Variants in SLC12A1 observed in about 807,000 individuals in gnomAD.
SLC12A1 encodes the protein Na-K-2Cl cotransporter.
SLC12A1 carries 89 observed loss-of-function variants against 130.4 expected under a neutral mutation model. That is an observed-to-expected ratio of 0.68 (90% CI 0.58 to 0.81). The LOEUF is 0.81. Ranked by LOEUF, SLC12A1 falls within the 40% of genes least tolerant of loss-of-function variation. SLC12A1 has a pLI of 0.00. For missense variants in SLC12A1, 1,310 were observed against 1,336.4 expected (o/e 0.98, Z 0.31); for synonymous variants, 499 against 460.0 (o/e 1.08, Z -1.09).
chr15:48,302,581 C>CT (rs2141135055), intron 26 of SLC12A1, among the ~76,000 whole-genome samples, 169 bp from the exon 27 acceptor site: 1 of 127,988 alleles, frequency 7.8e-6, no homozygotes, highest in Admixed American at 9.6e-5. Flanking sequence ...GATTGTGCCA[C>CT]TGCAGTCCGC....
intron 21 of SLC12A1, among the ~76,000 whole-genome samples, chr15:48,285,928 A>T (rs569671691): frequency 2.6e-5 from 4 of 152,244 alleles, no homozygotes; most frequent in Admixed American, 2.0e-4. Flanking sequence ...GTCCACAGTG[A>T]CCTCTGCTGG....
intron 15 of SLC12A1, among the ~76,000 whole-genome samples, chr15:48,254,643 C>T (rs1170781758): frequency 1.5e-5 from 2 of 129,550 alleles, no homozygotes; most frequent in East Asian, 4.2e-4. Context: ...CAAAAAAGAC[C>T]GGGCACGGTG....
chr15:48,260,224 C>G (rs958004915), intron 17 of SLC12A1, among the ~76,000 whole-genome samples: 1 of 151,618 alleles, frequency 6.6e-6, no homozygotes, highest in African/African-American at 2.4e-5. Context: ...AAGATCACAC[C>G]ACTGCATTCC....
rs550686114 is a variant in SLC12A1 at position 48,254,592 on chromosome 15, T to TAAAAAAAAAAAAAAAAAAAAAAA, written c.1943-1203_1943-1181dup. Among the ~76,000 whole-genome samples, 6 of 52,890 alleles carry TAAAAAAAAAAAAAAAAAAAAAAA rather than the reference T, an allele frequency of 1.1e-4. 1 individual carries two copies. The highest frequency in any genetic ancestry group is 2.1e-4 in the Non-Finnish European group (5 of 23,404). The allele number at this position is 52,890 out of a possible 152,430, so 34.7% of individuals were successfully genotyped here. On this transcript the variant is annotated intron_variant, in intron 15 of 26. Transcript: ENST00000380993. ...AAGATCCATTTAATACTTAAATTCG[T>TAAAAAAAAAAAAAAAAAAAAAAA]AAAAAAAAAAAAAAAAAAAAAAAAA...
Position 48,291,515 on chromosome 15 carries a change from C to T in SLC12A1, c.2874-263C>T, listed in dbSNP as rs111324383. 4.9e-3 allele frequency among the ~76,000 whole-genome samples: 743 copies of T among 152,222 alleles called. 8 individuals are homozygous for T. The highest frequency in any genetic ancestry group is 0.044 in the Middle Eastern group (13 of 294). On this transcript the variant is annotated intron_variant, in intron 23 of 26. Transcript: ENST00000380993. ...CAGATTTGCATTCTGTTCCCTGTGA[C>T]ATAAATGCAGAGTTGGATTGGCTGT...
At chr15:48,301,520 G>T (rs903828315) in intron 26 of SLC12A1, 138 bp downstream of exon 26, 3 of 566,160 alleles carry the variant, frequency 5.3e-6, no homozygotes, top group African/African-American at 4.1e-5. Context: ...GGAACACGTG[G>T]GATTCTTAGA....
chr15:48,228,993 C>T (rs1413712183), intron 5 of SLC12A1, 196 bp from the exon 6 acceptor site: 3 of 485,398 alleles, frequency 6.2e-6, no homozygotes, highest in African/African-American at 5.9e-5. Flanking sequence ...CAGGATACTT[C>T]TATTGTAGAT....
Position 48,255,903 on chromosome 15 carries a change from A to G in SLC12A1, c.2035A>G (p.Asn679Asp). The change falls in exon 16 of 27, where the codon AAC becomes GAC. Residue 679 changes from asparagine to aspartate, a missense_variant. By Grantham distance (23) the Asn-to-Asp change is conservative. Coordinates refer to ENST00000380993, the MANE Select transcript of SLC12A1 (RefSeq NM_000338.3). ...AACCACAGTGGAAGACCACGTAAAA[A>G]ACTTCAGGTAAAGCTGGTGTCTCAG... ...ELTTVEDHVK[N>D]FRPQCIVLTG... The G allele has an allele frequency of 1.3e-6, 2 of 1,586,630 alleles. No homozygotes were observed. Among genetic ancestry groups the G allele is most frequent in the South Asian group, 1.2e-5 (1 of 86,852 alleles).
At chr15:48,236,904 G>T in intron 9 of SLC12A1, 1 of 585,152 alleles carries the variant, frequency 1.7e-6, no homozygotes, top group South Asian at 2.1e-5. Flanking sequence ...TCTTTCTTTA[G>T]ACTCCTTAAA....
intron 19 of SLC12A1, among the ~76,000 whole-genome samples, chr15:48,273,670 T>C (rs1164540459): frequency 6.6e-6 from 1 of 152,218 alleles, no homozygotes; most frequent in East Asian, 1.9e-4. Context: ...AGATTACTTA[T>C]GGTTTGGATT....
At position 48,243,864 on chromosome 15, in the gene SLC12A1, A is replaced by G. The variant is rs570411702; in HGVS notation, c.1301-889A>G. Among the ~76,000 whole-genome samples, 4 of 152,332 alleles carry G rather than the reference A, an allele frequency of 2.6e-5. No individual in the cohort carries two copies. In the East Asian group the frequency reaches 5.8e-4, roughly 22 times the overall value. On this transcript the variant is annotated intron_variant, in intron 10 of 26. Coordinates refer to ENST00000380993, the MANE Select transcript of SLC12A1 (RefSeq NM_000338.3). ...TTTTATTGGTTGGTATTTAGTTTGT[A>G]AAGTATTTATCCTTCATGTAGTTCA...
rs544563599 is a variant in SLC12A1, at chr15:48,280,282, C to T, written c.2486-4824C>T. 2.6e-5 allele frequency among the ~76,000 whole-genome samples: 4 copies of T among 152,072 alleles called. No homozygotes were observed. The East Asian group carries it at 5.8e-4, about 22-fold the overall frequency. The stretch of plus-strand genomic sequence containing the variant: ...TACCATATAATCGATTTATAAAGCA[C>T]TTGAAAATACAGTAACTACTATTCA... On this transcript the variant is annotated intron_variant, in intron 20 of 26. Transcript: ENST00000380993.
chr15:48,302,335 T>G (rs1429128657), intron 26 of SLC12A1, among the ~76,000 whole-genome samples: 1 of 152,122 alleles, frequency 6.6e-6, no homozygotes, highest in East Asian at 1.9e-4. Flanking sequence ...AAATTAAGGC[T>G]GCCGGCCGGG....
At chr15:48,236,286 G>T (rs1645370512) in intron 9 of SLC12A1, among the ~76,000 whole-genome samples, 1 of 152,174 alleles carries the variant, frequency 6.6e-6, no homozygotes, top group South Asian at 2.1e-4. Flanking sequence ...ACAAATAATT[G>T]TTAAGTTAAT....
At chr15:48,246,369 C>T (rs2041580082) in intron 11 of SLC12A1, among the ~76,000 whole-genome samples, 1 of 152,128 alleles carries the variant, frequency 6.6e-6, no homozygotes, top group South Asian at 2.1e-4. Flanking sequence ...ATGTCAAAAT[C>T]CTTGAAACCA....
chr15:48,247,579 T>G (rs553837574), intron 13 of SLC12A1, 119 bp downstream of exon 13: 72 of 766,690 alleles, frequency 9.4e-5, no homozygotes, highest in Non-Finnish European at 1.4e-4. Flanking sequence ...TTGGGAATAT[T>G]GGCATCTAAG....
chr15:48,235,338 G>T, intron 9 of SLC12A1: 1 of 205,558 alleles, frequency 4.9e-6, no homozygotes, highest in Non-Finnish European at 1.0e-5. Flanking sequence ...ATATTTTCCT[G>T]TAAAAGTAAA....
intron 24 of SLC12A1, 81 bp from the exon 25 acceptor site, chr15:48,299,059 A>G (rs1022655811): frequency 2.2e-5 from 26 of 1,208,640 alleles, no homozygotes; most frequent in Non-Finnish European, 3.0e-5. Flanking sequence ...CACAGCCAGC[A>G]GAGCCAGTCA....
chr15:48,226,036 T>G, intron 4 of SLC12A1: 1 of 289,816 alleles, frequency 3.5e-6, no homozygotes, highest in Non-Finnish European at 5.3e-6. Context: ...TGGAGTGTTT[T>G]CAAAGGTAAT....
Sources: gnomAD v4.1 joint callset for allele counts (sites outside exome capture counted in the v4.1 genomes callset) on GRCh38, gnomAD v4.1.1 for gene constraint, MANE v1.5 for transcripts, NCBI Gene and HGNC (gene_info 2026-07-23, HGNC 2026-07-21) for gene names.